Variants in SV2C observed in about 807,000 individuals in gnomAD.
The protein encoded by SV2C is solute carrier family 22 member B3.
SV2C carries 49 observed loss-of-function variants against 79.7 expected under a neutral mutation model. The observed-to-expected ratio is 0.61, with a 90% CI of 0.49 to 0.78. The LOEUF (loss-of-function observed/expected upper bound fraction) is 0.78. Among genes scored for constraint, SV2C ranks in the 30% least tolerant of loss-of-function variants. The pLI, the probability that SV2C is intolerant of heterozygous loss-of-function variation, is 0.00. For synonymous variants in SV2C, 334 were observed against 333.2 expected (o/e 1.00, Z -0.03); for missense variants, 833 against 912.9 (o/e 0.91, Z 1.13).
chr5:76,009,582 G>A, the SV2C span, among the ~76,000 whole-genome samples: 1 of 152,158 alleles, frequency 6.6e-6, no homozygotes, highest in Non-Finnish European at 1.5e-5. Flanking sequence ...ACACAGCCAT[G>A]AGAAGAATGA....
At chr5:76,112,951 T>C (rs1748139671) in intron 1 of SV2C, among the ~76,000 whole-genome samples, 1 of 152,156 alleles carries the variant, frequency 6.6e-6, no homozygotes, top group African/African-American at 2.4e-5. Context: ...GTTTAGCAAG[T>C]AAGGCCAAGG....
At chr5:75,903,634 T>C in the SV2C span, among the ~76,000 whole-genome samples, 4 of 152,238 alleles carry the variant, frequency 2.6e-5, no homozygotes, top group Non-Finnish European at 4.4e-5. Flanking sequence ...CTTCCATTTG[T>C]TTGAGAACCA....
the SV2C span, among the ~76,000 whole-genome samples, chr5:75,851,967 C>T: frequency 6.6e-6 from 1 of 152,116 alleles, no homozygotes; most frequent in African/African-American, 2.4e-5. Context: ...CTGGCCGAAA[C>T]ATTGGATCTT....
the SV2C span, among the ~76,000 whole-genome samples, chr5:75,900,225 C>T: frequency 6.2e-4 from 94 of 152,182 alleles, no homozygotes; most frequent in South Asian, 2.1e-3. Flanking sequence ...CCATGTTTAG[C>T]GCTTCCTTCA....
At chr5:76,155,913 G>C (rs1409542266) in intron 2 of SV2C, among the ~76,000 whole-genome samples, 1 of 136,274 alleles carries the variant, frequency 7.3e-6, no homozygotes, top group South Asian at 2.4e-4. Context: ...GCAACAAAGT[G>C]TGGAGAAATT....
chr5:75,897,421 A>G, the SV2C span, among the ~76,000 whole-genome samples: 1 of 151,274 alleles, frequency 6.6e-6, no homozygotes, highest in Non-Finnish European at 1.5e-5. Flanking sequence ...TGTTCCATTG[A>G]TCTATATCTC....
chr5:75,888,223 G>C, the SV2C span, among the ~76,000 whole-genome samples: 1 of 151,910 alleles, frequency 6.6e-6, no homozygotes, highest in Non-Finnish European at 1.5e-5. Flanking sequence ...GTAGTCCGCT[G>C]CAACCAGGTG....
chr5:76,159,225 A>C lies in SV2C; in HGVS notation c.580+26895A>C, dbSNP rs149774005. Among the ~76,000 whole-genome samples the C allele has an allele frequency of 1.6e-4, 24 of 152,252 alleles. No individual in the cohort carries two copies. The East Asian group carries it at 4.2e-3, about 27-fold the overall frequency. ...TTTTCTCTAAGATCAGGAACAAGAC[A>C]AAGATGCCCACTCTTGCTATTTCTA... On this transcript the variant is annotated intron_variant, in intron 2 of 12. Transcript: ENST00000502798.
chr5:75,922,105 G>C, the SV2C span, among the ~76,000 whole-genome samples: 2 of 151,998 alleles, frequency 1.3e-5, no homozygotes, highest in Admixed American at 1.3e-4. Flanking sequence ...AATATGTATA[G>C]TTTACATATA....
chr5:75,913,658 C>T, the SV2C span, among the ~76,000 whole-genome samples: 1 of 152,182 alleles, frequency 6.6e-6, no homozygotes, highest in Non-Finnish European at 1.5e-5. Flanking sequence ...CTGGAGACTT[C>T]TTGGCTCCCA....
chr5:76,023,505 A>T, the SV2C span, among the ~76,000 whole-genome samples: 1 of 152,034 alleles, frequency 6.6e-6, no homozygotes, highest in East Asian at 1.9e-4. Flanking sequence ...ACAGGAGTAC[A>T]AGAGCTTGTG....
At chr5:76,047,349 A>G in the SV2C span, among the ~76,000 whole-genome samples, 1 of 152,220 alleles carries the variant, frequency 6.6e-6, no homozygotes, top group South Asian at 2.1e-4. Context: ...TATAAGTGGA[A>G]TCACATAGTA....
At chr5:76,264,519 G>A (rs1746581549) in intron 4 of SV2C, among the ~76,000 whole-genome samples, 2 of 152,070 alleles carry the variant, frequency 1.3e-5, no homozygotes, top group Admixed American at 6.5e-5. Flanking sequence ...AGGCATTCTG[G>A]TTTTGGAATT....
At chr5:75,953,321 C>A in the SV2C span, among the ~76,000 whole-genome samples, 1 of 151,980 alleles carries the variant, frequency 6.6e-6, no homozygotes, top group Non-Finnish European at 1.5e-5. Context: ...CCCTACCCAA[C>A]ACTGAGGGTC....
intron 1 of SV2C, among the ~76,000 whole-genome samples, chr5:76,127,831 T>A (rs1748760693): frequency 6.6e-6 from 1 of 152,112 alleles, no homozygotes. Context: ...GGGGAAAAAT[T>A]CCGAGGCATA....
chr5:76,054,725 T>C, the SV2C span, among the ~76,000 whole-genome samples: 1 of 152,244 alleles, frequency 6.6e-6, no homozygotes, highest in African/African-American at 2.4e-5. Context: ...GGTTCTGATT[T>C]GCATTTCTCT....
the SV2C span, among the ~76,000 whole-genome samples, chr5:75,997,050 C>G: frequency 1.3e-5 from 2 of 150,062 alleles, no homozygotes; most frequent in Non-Finnish European, 3.0e-5. Flanking sequence ...AGAGGGCATC[C>G]CTGTCTTGTG....
chr5:76,277,755 C>CAAAAAA (rs35556822), intron 4 of SV2C, among the ~76,000 whole-genome samples: 5 of 108,320 alleles, frequency 4.6e-5, no homozygotes, highest in Non-Finnish European at 1.0e-4. Context: ...AGACCTGTCT[C>CAAAAAA]AAAAAAAAAA....
the SV2C span, among the ~76,000 whole-genome samples, chr5:75,869,083 G>A: frequency 3.3e-5 from 5 of 152,174 alleles, no homozygotes; most frequent in East Asian, 1.9e-4. Flanking sequence ...TTAGGTACCC[G>A]CTTGGCCACA....
Sources: gnomAD v4.1 joint callset for allele counts (sites outside exome capture counted in the v4.1 genomes callset) on GRCh38, gnomAD v4.1.1 for gene constraint, MANE v1.5 for transcripts, NCBI Gene and HGNC (gene_info 2026-07-23, HGNC 2026-07-21) for gene names.